Variants in ENPP3 observed in about 807,000 individuals in gnomAD.
The protein encoded by ENPP3 is ectonucleotide pyrophosphatase/phosphodiesterase family member 3.
A neutral mutation model predicts 117.8 loss-of-function variants in ENPP3; 104 were observed. The observed-to-expected ratio is 0.88, with a 90% confidence interval of 0.75 to 1.04. The LOEUF (loss-of-function observed/expected upper bound fraction) is 1.04. Among genes scored for constraint, ENPP3 ranks in the 50% least tolerant of loss-of-function variants. ENPP3 has a pLI of 0.00. For synonymous variants in ENPP3, 380 were observed against 349.9 expected (o/e 1.09, Z -0.96); for missense variants, 1,026 against 1,051.9 (o/e 0.98, Z 0.34).
rs558739437 is a variant in ENPP3, at chr6:131,644,601, G to A, written c.154+3071G>A. 1.2e-4 allele frequency among the ~76,000 whole-genome samples: 19 copies of A among 152,318 alleles called. No individual in the cohort carries two copies. In the East Asian group the frequency reaches 3.5e-3, roughly 28 times the overall value. ...ACTGAGTTGGGGCAGATTGTAGAAG[G>A]AGCTGGTTTGGGGAGAAAAATCAGG... On this transcript the variant is annotated intron_variant, in intron 2 of 24. Transcript: ENST00000357639.
At chr6:131,670,331 T>C (rs1032794165) in intron 6 of ENPP3, among the ~76,000 whole-genome samples, 22 of 152,244 alleles carry the variant, frequency 1.4e-4, no homozygotes, top group African/African-American at 5.1e-4. Flanking sequence ...ATGCCAATGC[T>C]ATATAAAGCA....
intron 23 of ENPP3, among the ~76,000 whole-genome samples, chr6:131,738,735 A>ATAGAGTTT (rs1780457819): frequency 1.3e-5 from 2 of 152,160 alleles, no homozygotes; most frequent in African/African-American, 4.8e-5. Context: ...GAGCACAGTA[A>ATAGAGTTT]TAGAGTTTTA....
At chr6:131,701,343 G>A in intron 15 of ENPP3, 1 of 1,613,424 alleles carries the variant, frequency 6.2e-7, no homozygotes, top group East Asian at 2.2e-5. Context: ...CTGAATCCTT[G>A]GGCCAACGGG....
At chr6:131,663,265 A>G (rs1015918024) in intron 6 of ENPP3, among the ~76,000 whole-genome samples, 4 of 151,806 alleles carry the variant, frequency 2.6e-5, no homozygotes, top group Non-Finnish European at 5.9e-5. Flanking sequence ...TTAGCTGTAG[A>G]CTTTTCATAT....
chr6:131,741,153 C>T (rs979149164), intron 24 of ENPP3, among the ~76,000 whole-genome samples: 3 of 152,066 alleles, frequency 2.0e-5, no homozygotes, highest in Admixed American at 1.3e-4. Context: ...GTAGTTAATT[C>T]GACTTGCATA....
rs1451722001 is a variant in ENPP3 at position 131,738,112 on chromosome 6, T to C, written c.2249T>C (p.Ile750Thr). The C allele has an allele frequency of 1.2e-6, 2 of 1,609,146 alleles. No homozygotes were observed. The highest frequency in any genetic ancestry group is 8.5e-7 in the Non-Finnish European group (1 of 1,176,422). Residue 750 changes from isoleucine (I) to threonine (T), a missense_variant, in exon 23 of 25, where the codon ATA (isoleucine) becomes ACA (threonine). Physicochemically the swap from Ile to Thr is moderately conservative, Grantham distance 89 (BLOSUM62 -1). Transcript: ENST00000357639. ...GGAGTAAATGTGGTTAGTGGACCAATATTTGATTATAATTATGATGGCCAT... is the reference window on the plus strand; with the variant it reads ...GGAGTAAATGTGGTTAGTGGACCAACATTTGATTATAATTATGATGGCCAT... ...RNGVNVVSGPIFDYNYDGHFD... is the reference protein window; with the variant it reads ...RNGVNVVSGPTFDYNYDGHFD...
intron 19 of ENPP3, 70 bp downstream of exon 19, chr6:131,724,161 G>A (rs1780097615): frequency 2.9e-6 from 3 of 1,038,274 alleles, no homozygotes; most frequent in Admixed American, 2.0e-5. Context: ...GCCCTTTTAG[G>A]ACTCTCCAAA....
chr6:131,733,589 G>T lies in ENPP3; in HGVS notation c.1955G>T (p.Gly652Val). 1 of 1,612,218 alleles carries T rather than the reference G, an allele frequency of 6.2e-7. No homozygotes were observed. The highest frequency in any genetic ancestry group is 8.5e-7 in the Non-Finnish European group (1 of 1,178,658). Reference sequence around the variant, plus strand: ...TTTTTTCTCTCTCTCTTTGAACAGGGAGACACATCGCCTCTGCCTCCCACT... The same window carrying T: ...TTTTTTCTCTCTCTCTTTGAACAGGTAGACACATCGCCTCTGCCTCCCACT... ...MWSSYTVPQL[G>V]DTSPLPPTVP... Residue 652 changes from glycine to valine, a missense_variant and splice_region_variant, in exon 21 of 25, where the codon GGA (glycine) becomes GTA (valine). Coordinates refer to ENST00000357639, the MANE Select transcript of ENPP3 (RefSeq NM_005021.5).
intron 15 of ENPP3, among the ~76,000 whole-genome samples, chr6:131,704,200 C>T (rs369818591): frequency 9.0e-5 from 10 of 110,998 alleles, no homozygotes; most frequent in African/African-American, 1.1e-4. Context: ...GTTTGTTTGG[C>T]GGTTAAAATA....
At chr6:131,740,665 A>G (rs1290635207) in intron 24 of ENPP3, among the ~76,000 whole-genome samples, 1 of 152,140 alleles carries the variant, frequency 6.6e-6, no homozygotes, top group African/African-American at 2.4e-5. Context: ...AAATCTTGTT[A>G]ATCTCTTTTT....
chr6:131,679,304 A>G (rs1234588559), intron 11 of ENPP3, among the ~76,000 whole-genome samples: 1 of 151,906 alleles, frequency 6.6e-6, no homozygotes, highest in African/African-American at 2.4e-5. Flanking sequence ...CATTTTGGCC[A>G]GGATGGTCTT....
intron 24 of ENPP3, among the ~76,000 whole-genome samples, chr6:131,741,270 C>G (rs1017762887): frequency 1.3e-5 from 2 of 152,068 alleles, no homozygotes; most frequent in Non-Finnish European, 2.9e-5. Flanking sequence ...GATAGAAACT[C>G]TTTAGAATGC....
intron 19 of ENPP3, 89 bp from the exon 20 acceptor site, chr6:131,725,957 G>A (rs1465759232): frequency 6.5e-6 from 5 of 767,586 alleles, no homozygotes; most frequent in African/African-American, 5.2e-5. Flanking sequence ...CCATAAGAGA[G>A]TGGTAGTTAT....
At chr6:131,670,605 C>T (rs1189144239) in intron 6 of ENPP3, among the ~76,000 whole-genome samples, 1 of 152,136 alleles carries the variant, frequency 6.6e-6, no homozygotes, top group Non-Finnish European at 1.5e-5. Flanking sequence ...ATCCTCCCAC[C>T]TCAGCCTCCC....
intron 6 of ENPP3, among the ~76,000 whole-genome samples, chr6:131,663,413 A>C (rs77037458): frequency 6.6e-6 from 1 of 151,080 alleles, no homozygotes; most frequent in African/African-American, 2.4e-5. Flanking sequence ...CCAGCTGGGC[A>C]TGGTTGCTTA....
intron 15 of ENPP3, among the ~76,000 whole-genome samples, chr6:131,713,380 A>G (rs1779828103): frequency 6.6e-6 from 1 of 150,688 alleles, no homozygotes; most frequent in Non-Finnish European, 1.5e-5. Context: ...GGGAGGGTGA[A>G]TCTGACACAA....
chr6:131,679,023 TTC>T (rs1778953139), intron 11 of ENPP3, among the ~76,000 whole-genome samples: 1 of 107,224 alleles, frequency 9.3e-6, no homozygotes, highest in African/African-American at 4.3e-5. Flanking sequence ...CCTTCCTTCC[TTC>T]CTTCTTTCTT....
At chr6:131,730,078 T>C (rs180681512) in intron 20 of ENPP3, among the ~76,000 whole-genome samples, 1 of 152,332 alleles carries the variant, frequency 6.6e-6, no homozygotes, top group Admixed American at 6.5e-5. Context: ...CTCAATTTCC[T>C]TACATTATGG....
chr6:131,682,199 T>A (rs761788850), intron 11 of ENPP3, among the ~76,000 whole-genome samples: 38 of 152,158 alleles, frequency 2.5e-4, no homozygotes, highest in Non-Finnish European at 5.4e-4. Context: ...TGTCATCATT[T>A]ACTTTTCCTT....
Sources: gnomAD v4.1 joint callset for allele counts (sites outside exome capture counted in the v4.1 genomes callset) on GRCh38, gnomAD v4.1.1 for gene constraint, MANE v1.5 for transcripts, NCBI Gene and HGNC (gene_info 2026-07-23, HGNC 2026-07-21) for gene names.